Variants in CADPS2 observed in about 807,000 individuals in gnomAD.
CADPS2 encodes the protein calcium dependent secretion activator 2.
In CADPS2, 93 loss-of-function variants were observed where a neutral mutation model predicts 172.5. The ratio of observed to expected loss-of-function variants is 0.54; its 90% CI spans 0.46 to 0.64. The LOEUF is 0.64. Among genes scored for constraint, CADPS2 ranks in the 30% least tolerant of loss-of-function variants. CADPS2 has a pLI of 0.00. For synonymous variants in CADPS2, 546 were observed against 555.2 expected, an observed-to-expected ratio of 0.98 and a Z score of 0.23; for missense variants, 1,420 against 1,565.9, an observed-to-expected ratio of 0.91 and a Z score of 1.57.
intron 1 of CADPS2, among the ~76,000 whole-genome samples, chr7:122,789,634 T>A (rs775153217): frequency 5.9e-5 from 9 of 152,200 alleles, no homozygotes; most frequent in Non-Finnish European, 1.2e-4. Flanking sequence ...TAAATACAGT[T>A]AAAAACGTCT....
At chr7:122,414,975 T>C (rs1283115041) in intron 18 of CADPS2, among the ~76,000 whole-genome samples, 1 of 152,160 alleles carries the variant, frequency 6.6e-6, no homozygotes, top group East Asian at 1.9e-4. Context: ...TGCTACACAT[T>C]CTCCCCACCC....
intron 8 of CADPS2, among the ~76,000 whole-genome samples, chr7:122,548,885 A>C (rs1178735683): frequency 6.6e-6 from 1 of 152,218 alleles, no homozygotes; most frequent in Non-Finnish European, 1.5e-5. Flanking sequence ...GTTAGCAGAA[A>C]AATAAACACA....
intron 28 of CADPS2, among the ~76,000 whole-genome samples, chr7:122,327,041 T>C (rs1392083796): frequency 1.3e-5 from 2 of 152,088 alleles, no homozygotes; most frequent in Non-Finnish European, 2.9e-5. Flanking sequence ...TATCTAATTT[T>C]GCTCCTTCCT....
chr7:122,634,962 A>G (rs2076923189), intron 3 of CADPS2, among the ~76,000 whole-genome samples: 1 of 152,162 alleles, frequency 6.6e-6, no homozygotes. Flanking sequence ...TATAGGTCTG[A>G]GAGATCTTCT....
intron 9 of CADPS2, among the ~76,000 whole-genome samples, chr7:122,508,235 T>C (rs556444035): frequency 6.6e-6 from 1 of 151,968 alleles, no homozygotes; most frequent in Non-Finnish European, 1.5e-5. Context: ...GCCAGCAATT[T>C]CATTTCTACA....
intron 2 of CADPS2, among the ~76,000 whole-genome samples, chr7:122,694,287 G>C (rs919222231): frequency 1.3e-5 from 2 of 152,324 alleles, no homozygotes; most frequent in Non-Finnish European, 2.9e-5. Context: ...TAAGTCTGAA[G>C]AAGTAGTGGA....
chr7:122,652,794 T>G (rs1049790634), intron 3 of CADPS2, among the ~76,000 whole-genome samples: 2 of 152,190 alleles, frequency 1.3e-5, no homozygotes, highest in African/African-American at 4.8e-5. Context: ...TAGGTGCTAC[T>G]TACATTGTTT....
At chr7:122,836,539 C>A (rs1808490642) in intron 1 of CADPS2, among the ~76,000 whole-genome samples, 1 of 152,166 alleles carries the variant, frequency 6.6e-6, no homozygotes, top group Non-Finnish European at 1.5e-5. Context: ...AGACACATCT[C>A]ACGTGCAGAG....
intron 2 of CADPS2, among the ~76,000 whole-genome samples, chr7:122,693,028 A>G: frequency 6.6e-6 from 1 of 152,208 alleles, no homozygotes; most frequent in Non-Finnish European, 1.5e-5. Flanking sequence ...CTGTGATAAC[A>G]GGTGGAGTTA....
At chr7:122,332,136 T>C (rs2035060109) in intron 28 of CADPS2, 1 of 152,214 alleles carries the variant, frequency 6.6e-6, no homozygotes, top group South Asian at 2.1e-4. Flanking sequence ...GTTAAATGTA[T>C]CTGTAAATCC....
At chr7:122,791,749 T>C (rs950558499) in intron 1 of CADPS2, among the ~76,000 whole-genome samples, 1 of 152,280 alleles carries the variant, frequency 6.6e-6, no homozygotes, top group East Asian at 1.9e-4. Flanking sequence ...TAAACCACAA[T>C]TTAAAATGTT....
intron 24 of CADPS2, among the ~76,000 whole-genome samples, chr7:122,381,134 C>CA (rs748023823): frequency 1.1e-4 from 16 of 152,138 alleles, no homozygotes; most frequent in South Asian, 4.2e-4. Context: ...GACACACTTA[C>CA]AAAAAAGGCC....
intron 8 of CADPS2, among the ~76,000 whole-genome samples, chr7:122,517,772 T>A (rs1288111342): frequency 6.6e-6 from 1 of 152,020 alleles, no homozygotes; most frequent in African/African-American, 2.4e-5. Context: ...GTAGTCTAAA[T>A]TCCTTGTAGA....
At chr7:122,649,480 A>C (rs911004852) in intron 3 of CADPS2, among the ~76,000 whole-genome samples, 16 of 152,142 alleles carry the variant, frequency 1.1e-4, no homozygotes, top group Non-Finnish European at 1.6e-4. Flanking sequence ...CTCACTGTGC[A>C]CCAGCATTAT....
At chr7:122,697,522 GAATGTGTACATATAAATATACATATGT>G (rs1243468946) in intron 2 of CADPS2, among the ~76,000 whole-genome samples, 1 of 151,972 alleles carries the variant, frequency 6.6e-6, no homozygotes, top group Non-Finnish European at 1.5e-5. Context: ...GCTTTAACAT[GAATGTGTACATATAAATATACATATGT>G]ACACTCACAG....
At chr7:122,444,567 T>C (rs1286163482) in intron 15 of CADPS2, among the ~76,000 whole-genome samples, 3 of 152,196 alleles carry the variant, frequency 2.0e-5, no homozygotes, top group Non-Finnish European at 2.9e-5. Flanking sequence ...TGTTGAATAA[T>C]GACGTTGAGC....
intron 1 of CADPS2, among the ~76,000 whole-genome samples, 152 bp downstream of exon 1, chr7:122,885,847 C>A (rs944862064): frequency 3.3e-5 from 5 of 152,152 alleles, no homozygotes; most frequent in African/African-American, 9.7e-5. Flanking sequence ...GGTGAAAGCA[C>A]CGTCTTGTCC....
intron 25 of CADPS2, among the ~76,000 whole-genome samples, chr7:122,375,021 G>A (rs944566415): frequency 1.3e-5 from 2 of 152,034 alleles, no homozygotes; most frequent in Non-Finnish European, 2.9e-5. Flanking sequence ...ACACTGAAAA[G>A]TATAAAACAC....
At position 122,510,573 on chromosome 7, in the gene CADPS2, G is replaced by A. The variant is rs192465399; in HGVS notation, c.1542+2676C>T. Among the ~76,000 whole-genome samples, 300 of 152,242 alleles carry A rather than the reference G, an allele frequency of 2.0e-3. 1 individual carries two copies. The highest frequency in any genetic ancestry group is 7.1e-3 in the African/African-American group (294 of 41,548). Reference sequence around the variant, plus strand: ...TCTTGAGCTGATGGTTGGATTTCCAGTGATATCACTCATAATACACACTCA... The same window carrying A: ...TCTTGAGCTGATGGTTGGATTTCCAATGATATCACTCATAATACACACTCA... On this transcript the variant is annotated intron_variant, in intron 9 of 29. Coordinates refer to ENST00000449022, the MANE Select transcript of CADPS2 (RefSeq NM_017954.11).
Sources: allele counts gnomAD v4.1 joint callset (sites outside exome capture counted in the v4.1 genomes callset), GRCh38; gene constraint gnomAD v4.1.1; transcripts MANE v1.5; gene names NCBI Gene and HGNC (gene_info 2026-07-23, HGNC 2026-07-21).